MPZL3: variants seen among roughly 807,000 people sequenced by gnomAD.
MPZL3 encodes myelin protein zero like 3, also known as myelin protein zero-like protein 3.
Under a neutral mutation model 24.8 loss-of-function variants are expected in MPZL3, and 23 were observed. The observed-to-expected ratio is 0.93, with a 90% CI of 0.67 to 1.31. The LOEUF (loss-of-function observed/expected upper bound fraction) is 1.31. Ranked by LOEUF, MPZL3 falls within the 40% of genes most tolerant of loss-of-function variation. MPZL3 has a pLI of 0.00. For missense variants in MPZL3, 277 were observed against 294.9 expected (o/e 0.94, Z 0.44); for synonymous variants, 99 against 106.5 (o/e 0.93, Z 0.44).
intron 1 of MPZL3, among the ~76,000 whole-genome samples, chr11:118,251,526 T>G (rs945533329): frequency 1.3e-5 from 2 of 152,044 alleles, no homozygotes; most frequent in African/African-American, 2.4e-5. Flanking sequence ...GGATTGAAAT[T>G]TATGCAATTT....
intron 1 of MPZL3, among the ~76,000 whole-genome samples, chr11:118,244,763 G>A (rs1232600218): frequency 1.3e-5 from 2 of 152,188 alleles, no homozygotes. Flanking sequence ...GAAGAGACCT[G>A]ATGAAATCTG....
At chr11:118,236,712 A>G (rs1949430203) in intron 3 of MPZL3, among the ~76,000 whole-genome samples, 1 of 152,152 alleles carries the variant, frequency 6.6e-6, no homozygotes, top group Non-Finnish European at 1.5e-5. Flanking sequence ...TGCTAGGAAA[A>G]CTGGAATGAC....
chr11:118,239,449 A>T (rs982762843), intron 2 of MPZL3, among the ~76,000 whole-genome samples: 23 of 152,226 alleles, frequency 1.5e-4, no homozygotes, highest in African/African-American at 5.1e-4. Flanking sequence ...TAAAAAATAC[A>T]ATCTTCCATA....
At chr11:118,247,476 T>C (rs753505730) in intron 1 of MPZL3, among the ~76,000 whole-genome samples, 13 of 152,142 alleles carry the variant, frequency 8.5e-5, no homozygotes, top group Non-Finnish European at 1.6e-4. Flanking sequence ...AATGCTGACA[T>C]AGGAAGAGGT....
chr11:118,229,014 C>G lies in MPZL3; in HGVS notation c.*880G>C, dbSNP rs1015863252. 1 of 151,402 alleles carries G rather than the reference C, an allele frequency of 6.6e-6. No homozygotes were observed. The highest frequency in any genetic ancestry group is 1.5e-5 in the Non-Finnish European group (1 of 68,048). 9.4% of individuals were successfully genotyped at this position (151,402 alleles called of 1,614,324 possible). A position where few individuals can be genotyped will look rare whatever the true frequency, so the allele number is the denominator to read the frequency against. ...TGGTGGCGCATGCCTGTAATCCCAG[C>G]TACTCGAGAGGCTGAGGCACAAGAA... is the stretch of plus-strand genomic sequence containing the variant. On this transcript the variant is annotated 3_prime_UTR_variant, in exon 6 of 6. Coordinates refer to ENST00000278949, the MANE Select transcript of MPZL3 (RefSeq NM_198275.3).
Position 118,237,156 on chromosome 11 carries a change from T to C in MPZL3, c.345A>G (p.Ile115Met), listed in dbSNP as rs1949436682. ...NVYKGDASIS[I>M]SNPTIKDNGT... ...CATTGTCCTTTATGGTAGGGTTGCT[T>C]ATACTTATAGATGCATCCCCTTTGT... The change falls in exon 3 of 6, where the codon ATA (isoleucine) becomes ATG (methionine). Residue 115 changes from isoleucine (I) to methionine (M), a missense_variant. Physicochemically the swap from Ile to Met is conservative, Grantham distance 10. Transcript: ENST00000278949. 6.2e-7 allele frequency: 1 copy of C among 1,614,122 alleles called. No individual in the cohort carries two copies. The highest frequency in any genetic ancestry group is 8.5e-7 in the Non-Finnish European group (1 of 1,179,976).
In MPZL3 at chr11:118,237,044, G is replaced by A. The variant is rs76639178; in HGVS notation, c.451+6C>T. The A allele has an allele frequency of 2.1e-4, 333 of 1,613,176 alleles. No homozygotes were observed. In the African/African-American group the frequency reaches 4.2e-3, roughly 20 times the overall value. On this transcript the variant is annotated splice_donor_region_variant and intron_variant, in intron 3 of 5. Coordinates refer to ENST00000278949, the MANE Select transcript of MPZL3 (RefSeq NM_198275.3). ...TGCAGAAGAAGGTTGGTGGCAATGA[G>A]CTTACCCCTTTCTGTGACTGTTAGC... is the stretch of plus-strand genomic sequence containing the variant.
chr11:118,236,623 G>C (rs1293544920), intron 3 of MPZL3, among the ~76,000 whole-genome samples: 1 of 152,120 alleles, frequency 6.6e-6, no homozygotes, highest in African/African-American at 2.4e-5. Context: ...TAAAAGAAAA[G>C]CACTACCTCT....
intron 3 of MPZL3, 126 bp downstream of exon 3, chr11:118,236,924 G>A (rs1949432708): frequency 1.2e-5 from 9 of 721,140 alleles, no homozygotes; most frequent in Admixed American, 5.9e-5. Context: ...AAATTACTTC[G>A]ATTCAATGAT....
chr11:118,240,238 G>A lies in MPZL3; in HGVS notation c.213C>T (p.Arg71=), dbSNP rs764331406. The change falls in exon 2 of 6, where the codon CGC becomes CGT. Residue 71 remains arginine (R), a synonymous_variant. Coordinates refer to ENST00000278949, the MANE Select transcript of MPZL3 (RefSeq NM_198275.3). The part of the protein sequence containing the change: ...TDKLTIDWTY[R]PPSSSHTVSI... ...ATACTGTGTGGCTGCTGCTGGGAGG[G>A]CGATATGTCCAGTCTATAGTAAGTT... The A allele has an allele frequency of 3.2e-6, 5 of 1,571,270 alleles. No individual in the cohort carries two copies. The highest frequency in any genetic ancestry group is 1.7e-6 in the Non-Finnish European group (2 of 1,165,026).
chr11:118,239,732 T>A (rs767269609), intron 2 of MPZL3, among the ~76,000 whole-genome samples: 2 of 152,124 alleles, frequency 1.3e-5, no homozygotes, highest in Admixed American at 1.3e-4. Flanking sequence ...ATGCAGATGT[T>A]TATACACTGG....
At chr11:118,232,945 T>C (rs1258757562) in intron 5 of MPZL3, among the ~76,000 whole-genome samples, 1 of 152,098 alleles carries the variant, frequency 6.6e-6, no homozygotes, top group Non-Finnish European at 1.5e-5. Flanking sequence ...TCTGATTCTG[T>C]CATTAGTCAC....
chr11:118,250,248 C>A (rs986534684), intron 1 of MPZL3, among the ~76,000 whole-genome samples: 2 of 134,536 alleles, frequency 1.5e-5, no homozygotes, highest in Non-Finnish European at 3.1e-5. Flanking sequence ...TGGTCTCAAA[C>A]TTCTGACCTC....
intron 3 of MPZL3, among the ~76,000 whole-genome samples, chr11:118,236,637 C>T (rs1949429106): frequency 1.3e-5 from 2 of 152,128 alleles, no homozygotes; most frequent in South Asian, 2.1e-4. Context: ...TACCTCTCAA[C>T]GTTAGAGGGG....
chr11:118,244,411 C>T (rs1949533432), intron 1 of MPZL3, among the ~76,000 whole-genome samples: 1 of 152,116 alleles, frequency 6.6e-6, no homozygotes, highest in Admixed American at 6.5e-5. Flanking sequence ...GGTACGGCCC[C>T]TGTTATGATG....
chr11:118,240,604 A>G (rs1048639819), intron 1 of MPZL3, among the ~76,000 whole-genome samples: 1 of 152,186 alleles, frequency 6.6e-6, no homozygotes, highest in Non-Finnish European at 1.5e-5. Context: ...ATGCTTGTGT[A>G]AAAATTTAAA....
Position 118,229,419 on chromosome 11 carries a change from TG to T in MPZL3, c.*474del, listed in dbSNP as rs1555110243. 1.3e-5 allele frequency: 2 copies of T among 158,176 alleles called. No homozygotes were observed. Among genetic ancestry groups the T allele is most frequent in the Non-Finnish European group, 2.8e-5 (2 of 72,392 alleles). The allele number at this position is 158,176 out of a possible 1,614,324, so 9.8% of individuals were successfully genotyped here. The stretch of plus-strand genomic sequence containing the variant: ...CCCTATACTAACTCACAGCTGAAAG[TG>T]TACATGGAGCAAAAAACAAAGAATA... On this transcript the variant is annotated 3_prime_UTR_variant, in exon 6 of 6. Transcript: ENST00000278949.
intron 3 of MPZL3, 85 bp from the exon 4 acceptor site, chr11:118,235,674 C>A: frequency 7.5e-7 from 1 of 1,334,122 alleles, no homozygotes; most frequent in South Asian, 1.4e-5. Flanking sequence ...TACTTTTGCT[C>A]TTATATTTCT....
intron 4 of MPZL3, among the ~76,000 whole-genome samples, chr11:118,235,036 G>A (rs528841167): frequency 1.3e-5 from 2 of 152,122 alleles, no homozygotes; most frequent in Non-Finnish European, 2.9e-5. Flanking sequence ...TATTCTTAAA[G>A]CCTCTCTCAT....
Sources: gnomAD v4.1 joint callset for allele counts (sites outside exome capture counted in the v4.1 genomes callset) on GRCh38, gnomAD v4.1.1 for gene constraint, MANE v1.5 for transcripts, NCBI Gene and HGNC (gene_info 2026-07-23, HGNC 2026-07-21) for gene names.